LASP1: variants seen among roughly 807,000 people sequenced by gnomAD.
LASP1 encodes LIM and SH3 protein 1.
Under a neutral mutation model 38.6 loss-of-function variants are expected in LASP1, and 10 were observed. The ratio of observed to expected loss-of-function variants is 0.26; its 90% confidence interval spans 0.16 to 0.44. The LOEUF (loss-of-function observed/expected upper bound fraction) is 0.44. Among genes scored for constraint, LASP1 ranks in the 20% least tolerant of loss-of-function variants. The pLI, the probability that LASP1 is intolerant of heterozygous loss-of-function variation, is 1.00. For missense variants in LASP1, 243 were observed against 375.7 expected (o/e 0.65, Z 2.92); for synonymous variants, 132 against 140.8 (o/e 0.94, Z 0.44).
At chr17:38,898,747 T>C (rs914431763) in intron 4 of LASP1, 1 of 596,072 alleles carries the variant, frequency 1.7e-6, no homozygotes, top group African/African-American at 1.8e-5. Flanking sequence ...GACTGTATTC[T>C]GTGGGGGCCT....
chr17:38,887,205 T>C (rs1312727047), intron 2 of LASP1, among the ~76,000 whole-genome samples: 2 of 151,834 alleles, frequency 1.3e-5, no homozygotes, highest in Non-Finnish European at 2.9e-5. Context: ...TGCCCGGAGG[T>C]CTCCTCTCCC....
intron 3 of LASP1, 121 bp downstream of exon 3, chr17:38,890,625 AT>A: frequency 1.2e-6 from 1 of 854,642 alleles, no homozygotes; most frequent in Non-Finnish European, 1.9e-6. Flanking sequence ...AGGTGCTGAA[AT>A]CCTAGCATTG....
At chr17:38,876,343 C>CTATT (rs374232262) in intron 1 of LASP1, among the ~76,000 whole-genome samples, 5,322 of 148,576 alleles carry the variant, frequency 0.036, 117 homozygotes, top group African/African-American at 0.045. Flanking sequence ...CATACCCGGC[C>CTATT]TATTTATTTA....
chr17:38,877,286 C>G (rs917517524), intron 1 of LASP1, among the ~76,000 whole-genome samples: 6 of 152,194 alleles, frequency 3.9e-5, no homozygotes, highest in Non-Finnish European at 8.8e-5. Flanking sequence ...GGTGCAGGGC[C>G]CCGCCCAAGG....
At chr17:38,901,345 C>G (rs1329521110) in intron 4 of LASP1, among the ~76,000 whole-genome samples, 1 of 152,256 alleles carries the variant, frequency 6.6e-6, no homozygotes, top group African/African-American at 2.4e-5. Flanking sequence ...TTACCCTTCT[C>G]GCGGTGCTGC....
chr17:38,886,581 G>C (rs1914145642), intron 2 of LASP1, among the ~76,000 whole-genome samples: 1 of 152,170 alleles, frequency 6.6e-6, no homozygotes, highest in African/African-American at 2.4e-5. Context: ...TAGGGGGAAG[G>C]GTGCTTCTGA....
chr17:38,873,077 C>A (rs1913656726), intron 1 of LASP1, among the ~76,000 whole-genome samples: 1 of 152,114 alleles, frequency 6.6e-6, no homozygotes, highest in Non-Finnish European at 1.5e-5. Flanking sequence ...ATCTAGGGAG[C>A]TGTGTTGTCA....
rs889453463 is a variant in LASP1 at position 38,919,262 on chromosome 17, G to T, written c.*484G>T. 9 of 244,428 alleles carry T rather than the reference G, an allele frequency of 3.7e-5. No homozygotes were observed. The highest frequency in any genetic ancestry group is 2.0e-4 in the African/African-American group (9 of 45,476). The allele number at this position is 244,428 out of a possible 1,614,324, so 15.1% of individuals were successfully genotyped here. On this transcript the variant is annotated 3_prime_UTR_variant, in exon 7 of 7. Coordinates refer to ENST00000318008, the MANE Select transcript of LASP1 (RefSeq NM_006148.4). ...CTCTGCCGCTGTGTAGGGACCAGTG[G>T]GATGGGCTCTACCTCTCTTTCTCAA...
chr17:38,914,052 G>T (rs1294690323), intron 4 of LASP1, among the ~76,000 whole-genome samples: 1 of 151,530 alleles, frequency 6.6e-6, no homozygotes, highest in Non-Finnish European at 1.5e-5. Flanking sequence ...TGATTCTTCA[G>T]TTCTCATGGT....
At chr17:38,876,803 C>T (rs1271793950) in intron 1 of LASP1, among the ~76,000 whole-genome samples, 3 of 148,808 alleles carry the variant, frequency 2.0e-5, no homozygotes, top group Non-Finnish European at 4.5e-5. Context: ...CCTGGGTTCA[C>T]GCCATTCTCC....
intron 4 of LASP1, among the ~76,000 whole-genome samples, chr17:38,906,965 C>T (rs554157930): frequency 3.3e-5 from 5 of 152,244 alleles, no homozygotes; most frequent in East Asian, 1.9e-4. Flanking sequence ...GGGCTTAGGG[C>T]GCTCCTCACT....
intron 1 of LASP1, 60 bp from the exon 2 acceptor site, chr17:38,878,026 C>G (rs1306104941): frequency 7.6e-7 from 1 of 1,321,278 alleles, no homozygotes; most frequent in Non-Finnish European, 1.1e-6. Flanking sequence ...TTCCTAGGGC[C>G]TGAGCCCCTT....
rs145728465 is a variant in LASP1, at chr17:38,915,067, C to T, written c.533C>T (p.Pro178Leu). Residue 178 changes from proline to leucine, a missense_variant, in exon 6 of 7, where the codon CCG becomes CTG. Transcript: ENST00000318008. ...APVYQQPQQQPVAQSYGGYKE... is the reference protein window; with the variant it reads ...APVYQQPQQQLVAQSYGGYKE... The stretch of plus-strand genomic sequence containing the variant: ...GTTTACCAGCAGCCCCAGCAGCAGC[C>T]GGTGGCCCAGTCCTATGGTGGCTAC... 6.3e-5 allele frequency: 102 copies of T among 1,613,938 alleles called. No homozygotes were observed. Among genetic ancestry groups the T allele is most frequent in the African/African-American group, 5.3e-4 (40 of 74,996 alleles).
intron 4 of LASP1, chr17:38,904,644 C>T (rs1914729849): frequency 6.6e-6 from 1 of 151,394 alleles, no homozygotes; most frequent in South Asian, 2.1e-4. Flanking sequence ...CATTTAGCTA[C>T]AGAAATGGTT....
intron 4 of LASP1, among the ~76,000 whole-genome samples, chr17:38,902,268 C>T (rs547050081): frequency 6.6e-6 from 1 of 151,796 alleles, no homozygotes; most frequent in Admixed American, 6.6e-5. Flanking sequence ...GCTATGTTGC[C>T]CAGGCTGGTC....
chr17:38,882,824 G>A (rs1913994128), intron 2 of LASP1, among the ~76,000 whole-genome samples: 1 of 152,152 alleles, frequency 6.6e-6, no homozygotes. Flanking sequence ...TCAAGTGGGA[G>A]GTGGGCATGG....
chr17:38,904,681 G>T lies in LASP1; in HGVS notation c.357+6162G>T, dbSNP rs1360350406. The T allele has an allele frequency of 2.0e-5, 3 of 151,898 alleles. No homozygotes were observed. The East Asian group carries it at 5.8e-4, about 29-fold the overall frequency. 9.4% of individuals were successfully genotyped at this position (151,898 alleles called of 1,614,324 possible). On this transcript the variant is annotated intron_variant, in intron 4 of 6. Transcript: ENST00000318008. ...AGGGCCTACCATTAGTTACACATTGGCTATTGTCCTACAGGAAAATAAAAC... is the reference window on the plus strand; with the variant it reads ...AGGGCCTACCATTAGTTACACATTGTCTATTGTCCTACAGGAAAATAAAAC...
chr17:38,879,200 G>C (rs2143737173), intron 2 of LASP1, among the ~76,000 whole-genome samples: 2 of 129,660 alleles, frequency 1.5e-5, no homozygotes, highest in East Asian at 5.0e-4. Context: ...TCATCACCCA[G>C]GTTGGAGTGC....
At chr17:38,878,030 G>T in intron 1 of LASP1, 56 bp from the exon 2 acceptor site, 1 of 1,353,140 alleles carries the variant, frequency 7.4e-7, no homozygotes, top group East Asian at 2.3e-5. Flanking sequence ...TAGGGCCTGA[G>T]CCCCTTTTTC....
Sources: allele counts gnomAD v4.1 joint callset (sites outside exome capture counted in the v4.1 genomes callset), GRCh38; gene constraint gnomAD v4.1.1; transcripts MANE v1.5; gene names NCBI Gene and HGNC (gene_info 2026-07-23, HGNC 2026-07-21).